The following ZNHIT3 variants were observed in gnomAD, a reference collection of about 807,000 sequenced individuals.
ZNHIT3 encodes the protein zinc finger HIT-type containing 3.
ZNHIT3 carries 27 observed loss-of-function variants against 19.9 expected under a neutral mutation model. The observed-to-expected ratio is 1.36, with a 90% CI of 1.00 to 1.87. The LOEUF (loss-of-function observed/expected upper bound fraction) is 1.87, where lower values mean the gene tolerates loss of function less well. ZNHIT3 is among the 40% of genes most tolerant of loss of function. The pLI is 0.00. For missense variants in ZNHIT3, 215 were observed against 185.6 expected, an observed-to-expected ratio of 1.16 and a Z score of -0.92; for synonymous variants, 81 against 65.7, an observed-to-expected ratio of 1.23 and a Z score of -1.13.
At chr17:36,495,075 T>C (rs950274274) in intron 4 of ZNHIT3, 148 bp from the exon 5 acceptor site, 3 of 940,060 alleles carry the variant, frequency 3.2e-6, no homozygotes, top group South Asian at 4.0e-5. Context: ...TCTGCCCACC[T>C]TGACCTCCCC....
downstream of ZNHIT3, chr17:36,499,190 G>GATA: frequency 6.5e-7 from 1 of 1,549,184 alleles, no homozygotes; most frequent in Non-Finnish European, 8.8e-7. Context: ...ACAGGAAAGA[G>GATA]ATAATAAAGG....
In ZNHIT3 at chr17:36,486,751, C is replaced by T. The variant is rs186664380; in HGVS notation, c.52C>T (p.Pro18Ser). 1.9e-5 allele frequency: 30 copies of T among 1,613,756 alleles called. No homozygotes were observed. The Admixed American group carries it at 4.3e-4, about 23-fold the overall frequency. The change falls in exon 1 of 5, where the codon CCC becomes TCC. Residue 18 changes from proline to serine, a missense_variant. Physicochemically the swap from Pro to Ser is moderately conservative, Grantham distance 74. Transcript: ENST00000617429. ...CGTCTGCGTGATCTGCTTGGAGAAG[C>T]CCAAATACCGCTGTCCAGCCTGCCG... ...TVVCVICLEKPKYRCPACRVP... is the reference protein window; with the variant it reads ...TVVCVICLEKSKYRCPACRVP...
chr17:36,496,919 T>TA (rs1205987236), downstream of ZNHIT3, among the ~76,000 whole-genome samples: 1 of 152,154 alleles, frequency 6.6e-6, no homozygotes, highest in Non-Finnish European at 1.5e-5. Flanking sequence ...CAGTGCAACA[T>TA]ACTTTCACCT....
At chr17:36,498,438 C>T (rs532830674), downstream of ZNHIT3, 31 of 1,614,000 alleles carry the variant, frequency 1.9e-5, no homozygotes, top group East Asian at 1.6e-4. Flanking sequence ...GGGCCAGAGG[C>T]GGATTATTGC....
intron 2 of ZNHIT3, chr17:36,492,592 G>T (rs1542611): frequency 0.12 from 66,740 of 568,538 alleles, 4,993 homozygotes; most frequent in East Asian, 0.25. Flanking sequence ...ATGGGGACAG[G>T]TTCTTGGGGT....
chr17:36,495,079 C>T, intron 4 of ZNHIT3, 144 bp from the exon 5 acceptor site: 2 of 964,342 alleles, frequency 2.1e-6, no homozygotes, highest in South Asian at 4.0e-5. Flanking sequence ...CCCACCTTGA[C>T]CTCCCCAGTT....
chr17:36,498,121 T>C (rs560824489), downstream of ZNHIT3: 38 of 787,780 alleles, frequency 4.8e-5, no homozygotes, highest in South Asian at 3.6e-4. Context: ...CTGCAGCTGA[T>C]TGGGACATGC....
chr17:36,493,820 A>C (rs1364185180), intron 3 of ZNHIT3, 106 bp from the exon 4 acceptor site: 2 of 766,994 alleles, frequency 2.6e-6, no homozygotes, highest in African/African-American at 3.5e-5. Flanking sequence ...CCCTATCACT[A>C]TCACATGTGC....
At chr17:36,497,610 A>T (rs2071114754), downstream of ZNHIT3, 3 of 890,520 alleles carry the variant, frequency 3.4e-6, no homozygotes, top group African/African-American at 1.8e-5. Context: ...TTTTAGATGG[A>T]CTCTCGTCCT....
At chr17:36,492,566 C>T (rs960853586) in intron 2 of ZNHIT3, 43 of 491,906 alleles carry the variant, frequency 8.7e-5, no homozygotes, top group South Asian at 2.4e-4. Context: ...TTGTAAGATT[C>T]GGCAGGGTAG....
At chr17:36,487,746 G>A (rs750029488) in intron 2 of ZNHIT3, among the ~76,000 whole-genome samples, 5 of 150,868 alleles carry the variant, frequency 3.3e-5, no homozygotes, top group Non-Finnish European at 7.4e-5. Flanking sequence ...AGCCGAAATC[G>A]CACCACTGCA....
At chr17:36,496,283 C>CAGA, downstream of ZNHIT3, 1 of 1,614,022 alleles carries the variant, frequency 6.2e-7, no homozygotes. Context: ...GAAGAGGTCA[C>CAGA]GTGGATCAGC....
intron 4 of ZNHIT3, 30 bp from the exon 5 acceptor site, chr17:36,495,193 A>G (rs754021158): frequency 7.1e-6 from 11 of 1,542,390 alleles, no homozygotes; most frequent in Non-Finnish European, 9.6e-6. Flanking sequence ...ACTTGAACTC[A>G]GACTGGCTTT....
intron 2 of ZNHIT3, 90 bp from the exon 3 acceptor site, chr17:36,492,723 G>C: frequency 8.7e-7 from 1 of 1,144,714 alleles, no homozygotes; most frequent in Non-Finnish European, 1.3e-6. Flanking sequence ...CCAGACACTT[G>C]CTTCCTACCT....
At chr17:36,495,037 C>T (rs2070857528) in intron 4 of ZNHIT3, among the ~76,000 whole-genome samples, 186 bp from the exon 5 acceptor site, 1 of 152,158 alleles carries the variant, frequency 6.6e-6, no homozygotes, top group Non-Finnish European at 1.5e-5. Context: ...GTTGCACAGG[C>T]TGGTCTTGAA....
At chr17:36,488,815 T>A (rs2142518500) in intron 2 of ZNHIT3, among the ~76,000 whole-genome samples, 1 of 152,378 alleles carries the variant, frequency 6.6e-6, no homozygotes, top group East Asian at 1.9e-4. Flanking sequence ...AATCATTTCT[T>A]CATGTTGGGA....
chr17:36,495,999 A>C (rs2070933464), downstream of ZNHIT3: 9 of 789,822 alleles, frequency 1.1e-5, no homozygotes, highest in Non-Finnish European at 1.6e-5. Flanking sequence ...AGGTAGTGAA[A>C]TGTGGCCCTG....
Position 36,486,698 on chromosome 17 carries a change from C to G in ZNHIT3, c.-2C>G, listed in dbSNP as rs1341243149. 1.4e-5 allele frequency: 22 copies of G among 1,613,762 alleles called. No homozygotes were observed. Among genetic ancestry groups the G allele is most frequent in the Non-Finnish European group, 1.9e-5 (22 of 1,179,920 alleles). On this transcript the variant is annotated 5_prime_UTR_variant, in exon 1 of 5. Transcript: ENST00000617429. ...CAGTGAACAGTCTCCTTCCACAAAA[C>G]CATGGCGTCGCTCAAATGTAGCACC...
chr17:36,496,504 G>C, downstream of ZNHIT3: 1 of 1,137,910 alleles, frequency 8.8e-7, no homozygotes, highest in Admixed American at 2.1e-5. Context: ...AAGAAGGTAT[G>C]GACAAGTACT....
Sources: allele counts gnomAD v4.1 joint callset (sites outside exome capture counted in the v4.1 genomes callset), GRCh38; gene constraint gnomAD v4.1.1; transcripts MANE v1.5; gene names NCBI Gene and HGNC (gene_info 2026-07-23, HGNC 2026-07-21).